The following LPAR1 variants were observed in gnomAD, a reference collection of about 807,000 sequenced individuals.
The protein encoded by LPAR1 is LPA receptor 1.
Under a neutral mutation model 23.8 loss-of-function variants are expected in LPAR1, and 5 were observed. The ratio of observed to expected loss-of-function variants is 0.21; its 90% CI spans 0.11 to 0.44. The LOEUF (loss-of-function observed/expected upper bound fraction) is 0.44, where lower values mean the gene tolerates loss of function less well. Among genes scored for constraint, LPAR1 ranks in the 20% least tolerant of loss-of-function variants. LPAR1 has a pLI of 0.99. For missense variants in LPAR1, 311 were observed against 482.8 expected (o/e 0.64, Z 3.33); for synonymous variants, 160 against 164.7 (o/e 0.97, Z 0.22).
chr9:110,950,626 C>T (rs924413173), intron 4 of LPAR1, among the ~76,000 whole-genome samples: 3 of 151,876 alleles, frequency 2.0e-5, no homozygotes, highest in Non-Finnish European at 2.9e-5. Context: ...GAATCAACTG[C>T]TCCTATAAAA....
At chr9:110,882,293 A>G (rs1165640358) in intron 5 of LPAR1, among the ~76,000 whole-genome samples, 1 of 152,218 alleles carries the variant, frequency 6.6e-6, no homozygotes, top group African/African-American at 2.4e-5. Context: ...GTATCTCTGG[A>G]ATCTAGAATA....
chr9:110,896,552 C>T (rs1014899128), intron 5 of LPAR1, among the ~76,000 whole-genome samples: 1 of 152,106 alleles, frequency 6.6e-6, no homozygotes, highest in East Asian at 1.9e-4. Context: ...TTGTACTACT[C>T]CATGGTATGA....
At chr9:110,978,514 T>C (rs1218653852) in intron 2 of LPAR1, among the ~76,000 whole-genome samples, 1 of 152,054 alleles carries the variant, frequency 6.6e-6, no homozygotes, top group African/African-American at 2.4e-5. Context: ...ATACAACAAT[T>C]TAGATAAAAT....
rs12002728 is a variant in LPAR1 at position 110,996,407 on chromosome 9, A to G, written c.-181-22849T>C. ...TGCCATCTCTACTTAAAAAATAATA[A>G]TAAATATAAAAATATTTTTTAAAGG... On this transcript the variant is annotated intron_variant, in intron 2 of 5. Coordinates refer to ENST00000683809, the MANE Select transcript of LPAR1 (RefSeq NM_001351411.2). Among the ~76,000 whole-genome samples, 1,498 of 152,198 alleles carry G rather than the reference A, an allele frequency of 9.8e-3. 26 individuals carry two copies. Among genetic ancestry groups the G allele is most frequent in the African/African-American group, 0.034 (1,402 of 41,548 alleles).
chr9:110,935,214 C>T (rs2094618600), intron 5 of LPAR1, among the ~76,000 whole-genome samples: 1 of 152,032 alleles, frequency 6.6e-6, no homozygotes, highest in Admixed American at 6.5e-5. Context: ...CTGAACAAGG[C>T]AGGGGCAGTA....
At chr9:110,990,881 AG>A (rs2096880434) in intron 2 of LPAR1, among the ~76,000 whole-genome samples, 1 of 152,150 alleles carries the variant, frequency 6.6e-6, no homozygotes, top group East Asian at 1.9e-4. Flanking sequence ...AAATTGAAAG[AG>A]GGGTCATTAC....
chr9:110,935,127 C>T (rs951029770), intron 5 of LPAR1, among the ~76,000 whole-genome samples: 20 of 152,116 alleles, frequency 1.3e-4, no homozygotes, highest in Admixed American at 1.1e-3. Context: ...ACAATGTTTA[C>T]ACCTAATCCT....
intron 5 of LPAR1, among the ~76,000 whole-genome samples, chr9:110,924,961 T>C (rs1564480115): frequency 6.6e-6 from 1 of 152,184 alleles, no homozygotes; most frequent in South Asian, 2.1e-4. Flanking sequence ...ACTATAGGCA[T>C]TGGCATGTCA....
intron 5 of LPAR1, among the ~76,000 whole-genome samples, chr9:110,876,830 T>C (rs1377434941): frequency 1.3e-5 from 2 of 152,256 alleles, no homozygotes; most frequent in African/African-American, 4.8e-5. Context: ...ATTTAGTTTC[T>C]GAAATCACTC....
chr9:110,942,096 G>A lies in LPAR1; in HGVS notation c.118C>T (p.His40Tyr). The A allele has an allele frequency of 6.2e-7, 1 of 1,613,970 alleles. No individual in the cohort carries two copies. The highest frequency in any genetic ancestry group is 8.5e-7 in the Non-Finnish European group (1 of 1,179,874). ...ACTGTGTTCCATTCTGTGGCAAGAT[G>A]CTTTCCACTTCGGTTATAAAAGAAG... Reference protein sequence around the residue: ...IAFFYNRSGKHLATEWNTVSK... With the variant: ...IAFFYNRSGKYLATEWNTVSK... The change falls in exon 5 of 6, where the codon CAT becomes TAT. Residue 40 changes from histidine to tyrosine, a missense_variant. Transcript: ENST00000683809.
At chr9:110,909,528 T>C (rs891644354) in intron 5 of LPAR1, among the ~76,000 whole-genome samples, 1 of 152,126 alleles carries the variant, frequency 6.6e-6, no homozygotes, top group Non-Finnish European at 1.5e-5. Context: ...ACTGGCTCAT[T>C]ACATTTTTTA....
In LPAR1 at chr9:110,947,799, C is replaced by T. The variant is rs76662633; in HGVS notation, c.46-5631G>A. Among the ~76,000 whole-genome samples the T allele has an allele frequency of 6.3e-3, 965 of 152,324 alleles. 25 individuals are homozygous for T. Among genetic ancestry groups the T allele is most frequent in the Admixed American group, 0.034 (519 of 15,294 alleles). On this transcript the variant is annotated intron_variant, in intron 4 of 5. Transcript: ENST00000683809. ...AGGAAGAAGGAACAGTTGGCATAAA[C>T]TCACATGCTAGTAATTACACCAATG...
intron 2 of LPAR1, among the ~76,000 whole-genome samples, chr9:111,015,472 T>C (rs543522056): frequency 1.5e-4 from 23 of 152,226 alleles, no homozygotes; most frequent in African/African-American, 5.3e-4. Context: ...GATCTCAACT[T>C]ATAGGTAGAA....
chr9:110,969,713 G>GAA (rs1011696686), intron 4 of LPAR1, among the ~76,000 whole-genome samples: 6 of 131,078 alleles, frequency 4.6e-5, no homozygotes, highest in African/African-American at 1.7e-4. Flanking sequence ...CTCTGTCTCA[G>GAA]AAAAAAAAAA....
At chr9:110,931,113 T>A (rs2094387867) in intron 5 of LPAR1, among the ~76,000 whole-genome samples, 1 of 152,192 alleles carries the variant, frequency 6.6e-6, no homozygotes, top group South Asian at 2.1e-4. Context: ...AATATTTCAT[T>A]CAATTCAGGG....
chr9:110,889,970 A>C lies in LPAR1; in HGVS notation c.794-14248T>G, dbSNP rs73655653. On this transcript the variant is annotated intron_variant, in intron 5 of 5. Transcript: ENST00000683809. ...TATATAACGTCCCCAAAAGCAAAAA[A>C]GAAATTAAAACATGTTACTGAAATA... is the stretch of plus-strand genomic sequence containing the variant. 6.2e-3 allele frequency among the ~76,000 whole-genome samples: 948 copies of C among 152,348 alleles called. 13 individuals carry two copies. Among genetic ancestry groups the C allele is most frequent in the African/African-American group, 0.021 (884 of 41,590 alleles).
At chr9:110,945,957 A>C (rs2095362682) in intron 4 of LPAR1, among the ~76,000 whole-genome samples, 1 of 152,218 alleles carries the variant, frequency 6.6e-6, no homozygotes. Context: ...TAACTGAAAC[A>C]CATCTGAAAA....
chr9:110,973,652 C>T (rs1311346131), intron 2 of LPAR1, 94 bp from the exon 3 acceptor site: 3 of 152,102 alleles, frequency 2.0e-5, no homozygotes, highest in South Asian at 2.1e-4. Context: ...CTCTTATTCA[C>T]GTGTTCATTA....
At chr9:110,901,615 G>T (rs555708181) in intron 5 of LPAR1, among the ~76,000 whole-genome samples, 2 of 152,128 alleles carry the variant, frequency 1.3e-5, no homozygotes, top group African/African-American at 4.8e-5. Context: ...GAACAGCATG[G>T]GAAAGACCCA....
Sources: allele counts gnomAD v4.1 joint callset (sites outside exome capture counted in the v4.1 genomes callset), GRCh38; gene constraint gnomAD v4.1.1; transcripts MANE v1.5; gene names NCBI Gene and HGNC (gene_info 2026-07-23, HGNC 2026-07-21).